AFG2A: variants seen among roughly 807,000 people sequenced by gnomAD.
The protein encoded by AFG2A is AAA ATPase AFG2A, also known as ATPase family gene 2 protein homolog A.
At chr4:123,280,531 T>C in the AFG2A span, among the ~76,000 whole-genome samples, 1 of 152,242 alleles carries the variant, frequency 6.6e-6, no homozygotes. Context: ...GCTGTAATCC[T>C]TTATGGAGCC....
chr4:122,933,644 A>G, the AFG2A span: 5 of 651,162 alleles, frequency 7.7e-6, no homozygotes, highest in South Asian at 4.1e-5. Context: ...TATACTTTTA[A>G]GATAGGGATG....
chr4:123,232,761 A>T, the AFG2A span, among the ~76,000 whole-genome samples: 5 of 152,138 alleles, frequency 3.3e-5, no homozygotes, highest in South Asian at 1.0e-3. Flanking sequence ...TTGCAGTGCA[A>T]TGTTATGTCG....
the AFG2A span, among the ~76,000 whole-genome samples, chr4:123,082,577 G>A: frequency 6.8e-6 from 1 of 146,530 alleles, no homozygotes; most frequent in African/African-American, 2.5e-5. Flanking sequence ...TCGCTTTATA[G>A]GAAGTCTTGA....
the AFG2A span, among the ~76,000 whole-genome samples, chr4:123,206,920 TCTTG>T: frequency 6.6e-6 from 1 of 152,288 alleles, no homozygotes; most frequent in South Asian, 2.1e-4. Flanking sequence ...TTCTTTCTAC[TCTTG>T]CTTCTCTCAT....
chr4:123,062,434 G>T, the AFG2A span, among the ~76,000 whole-genome samples: 1 of 151,988 alleles, frequency 6.6e-6, no homozygotes, highest in African/African-American at 2.4e-5. Flanking sequence ...ATGAAATAAA[G>T]ATTTTTTTTA....
the AFG2A span, among the ~76,000 whole-genome samples, chr4:123,175,169 G>A: frequency 1.3e-5 from 2 of 151,642 alleles, no homozygotes; most frequent in Non-Finnish European, 2.9e-5. Context: ...GCTTTACATT[G>A]TCAAAACTAA....
the AFG2A span, among the ~76,000 whole-genome samples, chr4:123,062,238 TA>T: frequency 1.3e-5 from 2 of 152,220 alleles, no homozygotes; most frequent in Non-Finnish European, 2.9e-5. Flanking sequence ...GCAGTTTACA[TA>T]CTGAGAAATT....
At chr4:123,225,008 T>C in the AFG2A span, among the ~76,000 whole-genome samples, 8 of 152,336 alleles carry the variant, frequency 5.3e-5, no homozygotes, top group East Asian at 1.5e-3. Context: ...ATAAATGTCT[T>C]CTTTTGAGAA....
At chr4:123,271,941 T>TA in the AFG2A span, among the ~76,000 whole-genome samples, 2 of 152,316 alleles carry the variant, frequency 1.3e-5, no homozygotes, top group Admixed American at 1.3e-4. Flanking sequence ...AAGATTTACT[T>TA]ACGCTGGTTT....
chr4:123,253,677 A>G, the AFG2A span, among the ~76,000 whole-genome samples: 2 of 152,134 alleles, frequency 1.3e-5, no homozygotes, highest in African/African-American at 2.4e-5. Flanking sequence ...GAACTTCCAT[A>G]TACAAGTCTT....
the AFG2A span, among the ~76,000 whole-genome samples, chr4:122,993,184 G>A: frequency 6.6e-5 from 10 of 151,626 alleles, no homozygotes; most frequent in African/African-American, 2.4e-4. Context: ...GTAGAGATGA[G>A]GTTTTACCAT....
the AFG2A span, among the ~76,000 whole-genome samples, chr4:123,143,380 A>G: frequency 1.3e-5 from 2 of 152,076 alleles, no homozygotes; most frequent in African/African-American, 4.8e-5. Flanking sequence ...TGGGAGACCT[A>G]TCAACATCTA....
chr4:122,935,606 G>T, the AFG2A span: 1 of 1,303,616 alleles, frequency 7.7e-7, no homozygotes, highest in Non-Finnish European at 1.0e-6. Context: ...GACTCTTTTT[G>T]TGACGCAAGG....
chr4:123,251,430 A>G, the AFG2A span, among the ~76,000 whole-genome samples: 1 of 152,186 alleles, frequency 6.6e-6, no homozygotes, highest in African/African-American at 2.4e-5. Flanking sequence ...GTAGTGTCAA[A>G]ATAGTAAAAT....
chr4:123,149,130 C>A, the AFG2A span, among the ~76,000 whole-genome samples: 4 of 152,094 alleles, frequency 2.6e-5, no homozygotes, highest in South Asian at 2.1e-4. Context: ...ACAGAGATGG[C>A]ACTTATACTT....
At chr4:123,289,546 G>A in the AFG2A span, among the ~76,000 whole-genome samples, 2 of 152,110 alleles carry the variant, frequency 1.3e-5, no homozygotes, top group South Asian at 2.1e-4. Flanking sequence ...GGGATTGAAG[G>A]ATCAAATGGT....
At chr4:123,091,315 A>G in the AFG2A span, among the ~76,000 whole-genome samples, 1 of 152,230 alleles carries the variant, frequency 6.6e-6, no homozygotes, top group Non-Finnish European at 1.5e-5. Flanking sequence ...AAAGGAAATG[A>G]AGAGAACAAA....
the AFG2A span, among the ~76,000 whole-genome samples, chr4:123,124,366 T>A: frequency 1.3e-5 from 2 of 152,120 alleles, no homozygotes; most frequent in Non-Finnish European, 2.9e-5. Context: ...GAAACCAACA[T>A]TCTCAGCAAG....
chr4:123,217,392 G>A, the AFG2A span, among the ~76,000 whole-genome samples: 1 of 152,166 alleles, frequency 6.6e-6, no homozygotes, highest in Non-Finnish European at 1.5e-5. Flanking sequence ...AGGAGTATTT[G>A]CAAAGTCCAG....
Sources: allele counts gnomAD v4.1 joint callset (sites outside exome capture counted in the v4.1 genomes callset), GRCh38; gene constraint gnomAD v4.1.1; transcripts MANE v1.5; gene names NCBI Gene and HGNC (gene_info 2026-07-23, HGNC 2026-07-21).